FRMPD4: variants seen among roughly 807,000 people sequenced by gnomAD.
FRMPD4 encodes FERM and PDZ domain-containing protein 4.
A neutral mutation model predicts 94.1 loss-of-function variants in FRMPD4; 22 were observed. The ratio of observed to expected loss-of-function variants is 0.23; its 90% CI spans 0.17 to 0.33. FRMPD4 has a LOEUF of 0.33. FRMPD4 is among the 10% of genes least tolerant of loss of function. FRMPD4 has a pLI of 1.00. For synonymous variants in FRMPD4, 631 were observed against 548.6 expected (o/e 1.15, Z -2.10); for missense variants, 1,111 against 1,339.9 (o/e 0.83, Z 2.67).
chrX:11,849,574 G>A (rs6640798), intron 1 of FRMPD4, among the ~76,000 whole-genome samples: 14,330 of 110,230 alleles, frequency 0.13, 1,144 homozygotes, highest in African/African-American at 0.29. Flanking sequence ...ACAGACATGT[G>A]GACCTGTGGA....
chrX:12,482,792 T>C (rs1478351299), intron 1 of FRMPD4, among the ~76,000 whole-genome samples: 1 of 112,320 alleles, frequency 8.9e-6, no homozygotes, highest in African/African-American at 3.2e-5. Context: ...CTTTTTATAT[T>C]TTTTTCTTCC....
chrX:12,597,799 A>C (rs2059045604), intron 2 of FRMPD4, among the ~76,000 whole-genome samples: 1 of 111,835 alleles, frequency 8.9e-6, no homozygotes, highest in African/African-American at 3.3e-5. Context: ...AAATTTTACT[A>C]TAGGTCTGTT....
chrX:12,269,486 T>C, intron 1 of FRMPD4, among the ~76,000 whole-genome samples: 1 of 112,290 alleles, frequency 8.9e-6, no homozygotes, highest in East Asian at 2.8e-4. Flanking sequence ...ACATTTAGGG[T>C]CCACTCACGT....
chrX:12,368,310 T>C (rs891126399), intron 1 of FRMPD4, among the ~76,000 whole-genome samples: 3 of 112,125 alleles, frequency 2.7e-5, no homozygotes, highest in Non-Finnish European at 5.6e-5. Flanking sequence ...TGGAGATAAG[T>C]GTACAACAGC....
intron 3 of FRMPD4, among the ~76,000 whole-genome samples, chrX:12,069,909 G>T (rs1446251768): frequency 9.0e-6 from 1 of 111,594 alleles, no homozygotes; most frequent in Admixed American, 9.5e-5. Context: ...GTAGTCTGGT[G>T]GAATGATGGA....
intron 1 of FRMPD4, among the ~76,000 whole-genome samples, chrX:12,198,965 T>C (rs1459208060): frequency 1.8e-5 from 2 of 111,936 alleles, no homozygotes; most frequent in Non-Finnish European, 3.8e-5. Flanking sequence ...TCTAAATGAA[T>C]TTTTAGATTG....
intron 1 of FRMPD4, among the ~76,000 whole-genome samples, chrX:12,161,798 A>C (rs11797042): frequency 1.8e-5 from 2 of 111,206 alleles, no homozygotes; most frequent in Non-Finnish European, 3.8e-5. Flanking sequence ...TTTTTTATAT[A>C]TATTTCTAGA....
intron 3 of FRMPD4, among the ~76,000 whole-genome samples, chrX:11,988,090 T>G (rs2054442693): frequency 9.0e-6 from 1 of 111,441 alleles, no homozygotes; most frequent in Admixed American, 9.5e-5. Context: ...AAAACAACCC[T>G]AACATTTACA....
At chrX:12,397,002 G>A (rs965631174) in intron 1 of FRMPD4, among the ~76,000 whole-genome samples, 2 of 111,379 alleles carry the variant, frequency 1.8e-5, no homozygotes, top group East Asian at 5.6e-4. Flanking sequence ...TGAGGAGGCC[G>A]GCCCAATGCT....
intron 3 of FRMPD4, among the ~76,000 whole-genome samples, chrX:11,992,631 C>A (rs2054471344): frequency 9.0e-6 from 1 of 111,586 alleles, no homozygotes; most frequent in Non-Finnish European, 1.9e-5. Context: ...AGCTTTCATT[C>A]AAAAATTGTA....
Position 12,721,829 on chromosome X carries a change from C to T in FRMPD4, c.5260C>T (p.Arg1754Cys). ...GGCCGCTCTCGTAAGCACACTGACA[C>T]GTTCTCTCAAGAGGCTTTTAAACAA... Reference protein sequence around the residue: ...TMAALVSTLTRSLKRLLNK With the variant: ...TMAALVSTLTCSLKRLLNK The change falls in exon 17 of 17, where the codon CGT becomes TGT. Residue 1754 changes from arginine to cysteine, a missense_variant. By Grantham distance (180) the Arg-to-Cys change is radical. Around this residue, in one of 8 missense-constraint regions of FRMPD4, gnomAD observed 551 missense variants for 591.6 expected, o/e 0.93. Coordinates refer to ENST00000675598, the MANE Select transcript of FRMPD4 (RefSeq NM_001368397.1). 2.7e-6 allele frequency: 2 copies of T among 753,761 alleles called. No homozygotes were observed. Among genetic ancestry groups the T allele is most frequent in the Non-Finnish European group, 3.1e-6 (2 of 636,993 alleles). 62.1% of individuals were successfully genotyped at this position (753,761 alleles called of 1,213,427 possible).
At chrX:12,173,445 T>TA (rs765046459) in intron 1 of FRMPD4, among the ~76,000 whole-genome samples, 1 of 111,737 alleles carries the variant, frequency 8.9e-6, no homozygotes. Flanking sequence ...AGGCCAAAAA[T>TA]AAAAATAGCT....
At chrX:12,603,639 CCTAT>C (rs1474941657) in intron 2 of FRMPD4, among the ~76,000 whole-genome samples, 4 of 110,929 alleles carry the variant, frequency 3.6e-5, no homozygotes, top group African/African-American at 6.6e-5. Context: ...AGATTCCTGG[CCTAT>C]CTGTGTGTTT....
At chrX:12,175,209 C>A (rs2056279282) in intron 1 of FRMPD4, among the ~76,000 whole-genome samples, 1 of 111,886 alleles carries the variant, frequency 8.9e-6, no homozygotes, top group Non-Finnish European at 1.9e-5. Context: ...AACAAATACA[C>A]CCAGAGAATG....
intron 2 of FRMPD4, among the ~76,000 whole-genome samples, chrX:12,591,209 C>T (rs2058979897): frequency 8.9e-6 from 1 of 112,100 alleles, no homozygotes; most frequent in African/African-American, 3.2e-5. Context: ...GTGTTATATA[C>T]TGTGTTCTTA....
chrX:12,605,300 G>C (rs1433601895), intron 2 of FRMPD4, among the ~76,000 whole-genome samples: 2 of 112,356 alleles, frequency 1.8e-5, no homozygotes, highest in African/African-American at 6.5e-5. Flanking sequence ...CATGCTCATA[G>C]GTATCTCCTC....
chrX:11,875,946 G>A (rs1054900706), intron 2 of FRMPD4, among the ~76,000 whole-genome samples: 1 of 100,838 alleles, frequency 9.9e-6, no homozygotes, highest in South Asian at 4.8e-4. Context: ...CGCGATCTCG[G>A]CTCACTGCAA....
chrX:12,455,136 A>G (rs1002886202), intron 1 of FRMPD4, among the ~76,000 whole-genome samples: 2 of 111,107 alleles, frequency 1.8e-5, no homozygotes, highest in Non-Finnish European at 3.8e-5. Context: ...AACTATTTAT[A>G]TTATCCTTGC....
At chrX:12,277,748 A>G (rs1410889674) in intron 1 of FRMPD4, among the ~76,000 whole-genome samples, 1 of 112,203 alleles carries the variant, frequency 8.9e-6, no homozygotes, top group Non-Finnish European at 1.9e-5. Context: ...ACCTTGCACA[A>G]TATCAATAGA....
Sources: allele counts gnomAD v4.1 joint callset (sites outside exome capture counted in the v4.1 genomes callset), GRCh38; gene constraint gnomAD v4.1.1; regional missense constraint gnomAD v4.1.1; transcripts MANE v1.5; gene names NCBI Gene and HGNC (gene_info 2026-07-23, HGNC 2026-07-21).